Variants in MPPED2 observed in about 807,000 individuals in gnomAD.
MPPED2 encodes the protein metallophosphoesterase domain containing 2.
In MPPED2, 5 loss-of-function variants were observed where a neutral mutation model predicts 33.0. The ratio of observed to expected loss-of-function variants is 0.15; its 90% CI spans 0.08 to 0.32. MPPED2 has a LOEUF of 0.32. Ranked by LOEUF, MPPED2 falls within the 10% of genes least tolerant of loss-of-function variation. MPPED2 has a pLI of 1.00. For missense variants in MPPED2, 275 were observed against 372.1 expected, an observed-to-expected ratio of 0.74 and a Z score of 2.15; for synonymous variants, 136 against 141.9, an observed-to-expected ratio of 0.96 and a Z score of 0.29.
At chr11:30,404,592 C>T (rs969285245) in intron 6 of MPPED2, among the ~76,000 whole-genome samples, 7 of 152,318 alleles carry the variant, frequency 4.6e-5, no homozygotes, top group Middle Eastern at 3.4e-3. Flanking sequence ...ACACCTCGCA[C>T]GTCCCCATAT....
At chr11:30,499,689 C>T (rs1252509984) in intron 3 of MPPED2, among the ~76,000 whole-genome samples, 1 of 152,142 alleles carries the variant, frequency 6.6e-6, no homozygotes, top group Non-Finnish European at 1.5e-5. Context: ...GTGCCTCAAA[C>T]ATGATCGTAA....
chr11:30,456,092 A>G (rs1295612676), intron 4 of MPPED2, among the ~76,000 whole-genome samples: 1 of 152,186 alleles, frequency 6.6e-6, no homozygotes, highest in Non-Finnish European at 1.5e-5. Context: ...TTGCTTCTCT[A>G]TGGAAAAGCT....
intron 3 of MPPED2, among the ~76,000 whole-genome samples, chr11:30,526,489 G>A (rs1433873892): frequency 6.6e-6 from 1 of 152,106 alleles, no homozygotes; most frequent in Non-Finnish European, 1.5e-5. Flanking sequence ...TTGTGAACAA[G>A]CTAAAGATTA....
chr11:30,541,510 C>A (rs1048770822), intron 2 of MPPED2, among the ~76,000 whole-genome samples: 1 of 152,186 alleles, frequency 6.6e-6, no homozygotes, highest in Non-Finnish European at 1.5e-5. Context: ...TGTATCCTTA[C>A]AAAGCATTTT....
At chr11:30,431,769 A>G (rs1949088025) in intron 4 of MPPED2, among the ~76,000 whole-genome samples, 1 of 152,212 alleles carries the variant, frequency 6.6e-6, no homozygotes, top group African/African-American at 2.4e-5. Context: ...TGATGAAATT[A>G]TAAATGTTCT....
At chr11:30,529,049 T>G (rs1184131524) in intron 3 of MPPED2, among the ~76,000 whole-genome samples, 3 of 152,164 alleles carry the variant, frequency 2.0e-5, no homozygotes. Context: ...TGGAAATACC[T>G]TATGTATCTA....
intron 6 of MPPED2, among the ~76,000 whole-genome samples, chr11:30,395,188 GAGA>G (rs1387868087): frequency 1.3e-5 from 2 of 152,148 alleles, no homozygotes; most frequent in African/African-American, 4.8e-5. Flanking sequence ...GCTACAAAAG[GAGA>G]AGGAGAATGT....
intron 4 of MPPED2, among the ~76,000 whole-genome samples, chr11:30,476,114 G>C (rs972236631): frequency 6.6e-6 from 1 of 151,958 alleles, no homozygotes; most frequent in African/African-American, 2.4e-5. Context: ...TTAGTGGGTT[G>C]TAAGACTCCT....
chr11:30,394,462 A>T (rs1338160752), intron 6 of MPPED2, among the ~76,000 whole-genome samples: 1 of 152,034 alleles, frequency 6.6e-6, no homozygotes, highest in Non-Finnish European at 1.5e-5. Context: ...TTAAATGGCC[A>T]TTTTAATAGG....
At chr11:30,549,669 A>C (rs2134611932) in intron 2 of MPPED2, among the ~76,000 whole-genome samples, 1 of 152,262 alleles carries the variant, frequency 6.6e-6, no homozygotes, top group East Asian at 1.9e-4. Context: ...TCCTAAAAAC[A>C]AAAACAAAAA....
intron 4 of MPPED2, among the ~76,000 whole-genome samples, chr11:30,472,022 G>A (rs1324935379): frequency 2.0e-5 from 3 of 152,058 alleles, no homozygotes; most frequent in East Asian, 1.9e-4. Flanking sequence ...TACAGTGCAC[G>A]CCATTTGTGC....
chr11:30,543,026 G>C (rs553363064), intron 2 of MPPED2, among the ~76,000 whole-genome samples: 1 of 152,052 alleles, frequency 6.6e-6, no homozygotes, highest in Non-Finnish European at 1.5e-5. Flanking sequence ...TCTCTATCCA[G>C]TCATGGATAA....
chr11:30,539,562 C>A (rs1954989676), intron 2 of MPPED2, among the ~76,000 whole-genome samples: 1 of 152,060 alleles, frequency 6.6e-6, no homozygotes, highest in African/African-American at 2.4e-5. Context: ...TCTCCTCTAT[C>A]CCTTCCCTCT....
chr11:30,508,744 G>A (rs1222303389), intron 3 of MPPED2, among the ~76,000 whole-genome samples: 4 of 152,042 alleles, frequency 2.6e-5, no homozygotes, highest in Non-Finnish European at 1.5e-5. Context: ...ACAGACAAAG[G>A]GCCAAACGTT....
In MPPED2 at chr11:30,565,824, A is replaced by G. The variant is rs556253083; in HGVS notation, c.128+14422T>C. Among the ~76,000 whole-genome samples, 6 of 152,284 alleles carry G rather than the reference A, an allele frequency of 3.9e-5. No individual in the cohort carries two copies. The South Asian group carries it at 1.2e-3, about 32-fold the overall frequency. ...TTGCTTTTCAAGGTGTTGACAGTTT[A>G]GTCACCCACAATTAGAACTCCATTG... On this transcript the variant is annotated intron_variant, in intron 2 of 6. Coordinates refer to ENST00000358117, the MANE Select transcript of MPPED2 (RefSeq NM_001584.3).
chr11:30,574,662 C>T (rs1475692335), intron 2 of MPPED2, among the ~76,000 whole-genome samples: 1 of 152,036 alleles, frequency 6.6e-6, no homozygotes, highest in Non-Finnish European at 1.5e-5. Context: ...GAAGGTGCTA[C>T]CCAAGAAAGT....
chr11:30,457,871 A>G (rs180835004), intron 4 of MPPED2, among the ~76,000 whole-genome samples: 23 of 152,304 alleles, frequency 1.5e-4, no homozygotes, highest in South Asian at 4.2e-4. Flanking sequence ...CTGTCCCCAG[A>G]TACAATTTGA....
At chr11:30,430,581 C>T (rs1295198540) in intron 4 of MPPED2, among the ~76,000 whole-genome samples, 6 of 152,168 alleles carry the variant, frequency 3.9e-5, no homozygotes, top group Admixed American at 3.9e-4. Context: ...TCAGTAATCC[C>T]TGTCTAGAAA....
At chr11:30,473,891 C>T (rs1028247386) in intron 4 of MPPED2, among the ~76,000 whole-genome samples, 3 of 152,140 alleles carry the variant, frequency 2.0e-5, no homozygotes, top group African/African-American at 7.2e-5. Flanking sequence ...CAACTGATTC[C>T]TATCAACAAC....
Sources: allele counts gnomAD v4.1 joint callset (sites outside exome capture counted in the v4.1 genomes callset), GRCh38; gene constraint gnomAD v4.1.1; transcripts MANE v1.5; gene names NCBI Gene and HGNC (gene_info 2026-07-23, HGNC 2026-07-21).